The following GALK2 variants were observed in gnomAD, a reference collection of about 807,000 sequenced individuals.
The protein encoded by GALK2 is N-acetylgalactosamine kinase.
GALK2 carries 36 observed loss-of-function variants against 52.4 expected under a neutral mutation model. The observed-to-expected ratio is 0.69, with a 90% CI of 0.53 to 0.91. The LOEUF is 0.91. GALK2 is among the 40% of genes least tolerant of loss of function. The pLI is 0.00. For synonymous variants in GALK2, 176 were observed against 199.1 expected, an observed-to-expected ratio of 0.88 and a Z score of 0.98; for missense variants, 579 against 559.1, an observed-to-expected ratio of 1.04 and a Z score of -0.36.
chr15:49,347,632 G>T (rs2041692920), intron 3 of GALK2, among the ~76,000 whole-genome samples: 1 of 152,120 alleles, frequency 6.6e-6, no homozygotes, highest in East Asian at 1.9e-4. Context: ...ATCCTGAGAA[G>T]CTTAGTTATT....
chr15:49,245,474 T>G (rs993473758), intron 5 of GALK2, among the ~76,000 whole-genome samples: 2 of 152,004 alleles, frequency 1.3e-5, no homozygotes, highest in African/African-American at 4.8e-5. Flanking sequence ...GGAAATAGAA[T>G]GAAAAGTAAG....
chr15:49,364,606 A>C (rs2044803384), intron 3 of GALK2, among the ~76,000 whole-genome samples: 1 of 152,192 alleles, frequency 6.6e-6, no homozygotes, highest in Non-Finnish European at 1.5e-5. Flanking sequence ...ATACTACAAA[A>C]ATATGCACTT....
chr15:49,246,141 C>G (rs1369884521), intron 5 of GALK2, among the ~76,000 whole-genome samples: 1 of 152,172 alleles, frequency 6.6e-6, no homozygotes, highest in Non-Finnish European at 1.5e-5. Context: ...CTGAGGTGTT[C>G]TACAAGATAT....
chr15:49,238,616 T>C (rs1437535319), intron 4 of GALK2, among the ~76,000 whole-genome samples: 1 of 152,200 alleles, frequency 6.6e-6, no homozygotes, highest in Non-Finnish European at 1.5e-5. Flanking sequence ...GGCCCTACTC[T>C]CGTCTCCCTA....
At chr15:49,281,916 G>A in intron 5 of GALK2, 71 bp from the exon 6 acceptor site, 1 of 1,102,730 alleles carries the variant, frequency 9.1e-7, no homozygotes, top group Non-Finnish European at 1.4e-6. Flanking sequence ...TGTTTGTCAT[G>A]CCTGTAGTAA....
intron 3 of GALK2, among the ~76,000 whole-genome samples, chr15:49,354,361 G>C (rs1040017831): frequency 6.6e-6 from 1 of 152,184 alleles, no homozygotes; most frequent in Non-Finnish European, 1.5e-5. Flanking sequence ...GGGAGTGCCA[G>C]ACAGTGGGCG....
chr15:49,267,545 TTC>T (rs1184642983), intron 5 of GALK2, among the ~76,000 whole-genome samples: 1 of 152,148 alleles, frequency 6.6e-6, no homozygotes, highest in Non-Finnish European at 1.5e-5. Flanking sequence ...GCAGCAGTGT[TTC>T]TAGTAACAGA....
intron 2 of GALK2, among the ~76,000 whole-genome samples, chr15:49,212,886 T>G (rs904820048): frequency 6.6e-6 from 1 of 152,230 alleles, no homozygotes; most frequent in Non-Finnish European, 1.5e-5. Flanking sequence ...TTAACTTTTT[T>G]GAACTTTTTG....
intron 1 of GALK2, among the ~76,000 whole-genome samples, chr15:49,192,847 C>T (rs116612742): frequency 2.2e-3 from 335 of 151,916 alleles, no homozygotes; most frequent in African/African-American, 7.5e-3. Context: ...GACAGGTCAC[C>T]CTATGTGGCC....
chr15:49,339,253 C>T (rs1327230752), intron 3 of GALK2, among the ~76,000 whole-genome samples: 1 of 152,154 alleles, frequency 6.6e-6, no homozygotes, highest in African/African-American at 2.4e-5. Context: ...CTGGTTTCTC[C>T]CCATCTTCAT....
intron 5 of GALK2, among the ~76,000 whole-genome samples, chr15:49,253,846 T>C (rs546872795): frequency 6.9e-6 from 1 of 143,892 alleles, no homozygotes; most frequent in African/African-American, 2.5e-5. Context: ...CCAAGCATCA[T>C]CATCATCATC....
chr15:49,191,961 A>C (rs1182537461), intron 1 of GALK2, among the ~76,000 whole-genome samples: 1 of 150,294 alleles, frequency 6.7e-6, no homozygotes, highest in Non-Finnish European at 1.5e-5. Context: ...TCGGGTTTTT[A>C]TTTTATTCTA....
Position 49,283,650 on chromosome 15 carries a change from G to T in GALK2, c.688G>T (p.Val230Leu), listed in dbSNP as rs1275053020. Residue 230 changes from valine (V) to leucine (L), a missense_variant, in exon 7 of 10, where the codon GTG becomes TTG. Coordinates refer to ENST00000560031, the MANE Select transcript of GALK2 (RefSeq NM_002044.4). ...GAVFVIANSC[V>L]EMNKAATSHF... Reference sequence around the variant, plus strand: ...AGTGTTTGTGATTGCCAACAGTTGTGTGGAGATGAATAAGGCAGCAACTTC... The same window carrying T: ...AGTGTTTGTGATTGCCAACAGTTGTTTGGAGATGAATAAGGCAGCAACTTC... 6.2e-7 allele frequency: 1 copy of T among 1,614,066 alleles called. No homozygotes were observed. Among genetic ancestry groups the T allele is most frequent in the East Asian group, 2.2e-5 (1 of 44,882 alleles).
At chr15:49,220,058 CTTT>C (rs34707025) in intron 3 of GALK2, among the ~76,000 whole-genome samples, 1 of 92,744 alleles carries the variant, frequency 1.1e-5, no homozygotes, top group Admixed American at 1.1e-4. Flanking sequence ...AGATACAAGT[CTTT>C]TTTTTTTTTT....
intron 3 of GALK2, chr15:49,366,572 G>A: frequency 4.4e-6 from 7 of 1,597,802 alleles, no homozygotes; most frequent in Non-Finnish European, 6.0e-6. Context: ...GTAGTCCTTG[G>A]ATGTGCCATT....
chr15:49,301,508 T>G (rs1440310286), intron 8 of GALK2, among the ~76,000 whole-genome samples: 5 of 151,918 alleles, frequency 3.3e-5, no homozygotes, highest in Admixed American at 2.6e-4. Flanking sequence ...GTGGTCAGGG[T>G]AAGGAGAGAT....
intron 5 of GALK2, among the ~76,000 whole-genome samples, chr15:49,260,564 A>C (rs202144679): frequency 0.037 from 5,442 of 146,632 alleles, 186 homozygotes; most frequent in East Asian, 0.17. Context: ...GAAGCTCTTT[A>C]GTTTAATTAG....
intron 8 of GALK2, chr15:49,319,217 G>A (rs561508860): frequency 7.4e-5 from 26 of 353,114 alleles, no homozygotes; most frequent in Non-Finnish European, 1.3e-4. Context: ...GCCTCCCAAA[G>A]TGCTGGGATT....
chr15:49,328,030 G>C lies in GALK2; in HGVS notation c.1248G>C (p.Lys416Asn). The change falls in exon 10 of 10, where the codon AAG becomes AAC. Residue 416 changes from lysine to asparagine, a missense_variant. Coordinates refer to ENST00000560031, the MANE Select transcript of GALK2 (RefSeq NM_002044.4). ...GCTVSMVPAD[K>N]LPSFLANVHK... ...CAGTATCAATGGTACCTGCGGACAA[G>C]CTGCCCAGCTTTCTAGCAAATGTGC... 1 of 1,614,046 alleles carries C rather than the reference G, an allele frequency of 6.2e-7. No individual in the cohort carries two copies. Among genetic ancestry groups the C allele is most frequent in the Non-Finnish European group, 8.5e-7 (1 of 1,179,914 alleles).
Sources: allele counts gnomAD v4.1 joint callset (sites outside exome capture counted in the v4.1 genomes callset), GRCh38; gene constraint gnomAD v4.1.1; transcripts MANE v1.5; gene names NCBI Gene and HGNC (gene_info 2026-07-23, HGNC 2026-07-21).